SIL1: variants seen among roughly 807,000 people sequenced by gnomAD.
The protein encoded by SIL1 is nucleotide exchange factor SIL1.
SIL1 carries 40 observed loss-of-function variants against 49.1 expected under a neutral mutation model. That is an observed-to-expected ratio of 0.81 (90% CI 0.63 to 1.06). The LOEUF (loss-of-function observed/expected upper bound fraction) is 1.06, where lower values mean the gene tolerates loss of function less well. Among genes scored for constraint, SIL1 ranks in the 50% least tolerant of loss-of-function variants. SIL1 has a pLI of 0.00. For synonymous variants in SIL1, 253 were observed against 250.8 expected, an observed-to-expected ratio of 1.01 and a Z score of -0.08; for missense variants, 500 against 572.6, an observed-to-expected ratio of 0.87 and a Z score of 1.29.
chr5:138,952,767 A>G (rs1479565272), intron 7 of SIL1, among the ~76,000 whole-genome samples: 1 of 151,942 alleles, frequency 6.6e-6, no homozygotes, highest in Non-Finnish European at 1.5e-5. Flanking sequence ...TCAGGCCCAG[A>G]CCTCCCAGAT....
intron 7 of SIL1, among the ~76,000 whole-genome samples, chr5:138,979,522 G>A (rs1489552106): frequency 5.3e-5 from 8 of 151,220 alleles, no homozygotes; most frequent in African/African-American, 1.7e-4. Flanking sequence ...ATTTTTTTTC[G>A]AGACAGGGTC....
At chr5:139,068,811 AAAG>A (rs1360228645) in intron 3 of SIL1, among the ~76,000 whole-genome samples, 1 of 152,148 alleles carries the variant, frequency 6.6e-6, no homozygotes, top group Non-Finnish European at 1.5e-5. Flanking sequence ...ATTATAATAA[AAAG>A]AAGAAGAAAG....
chr5:138,984,362 T>A (rs1767604054), intron 7 of SIL1, among the ~76,000 whole-genome samples: 2 of 150,964 alleles, frequency 1.3e-5, no homozygotes, highest in South Asian at 4.3e-4. Flanking sequence ...TTGTTTTTTT[T>A]TTTTTGAGAC....
chr5:139,154,059 T>C (rs1581137647), intron 1 of SIL1, among the ~76,000 whole-genome samples: 1 of 152,184 alleles, frequency 6.6e-6, no homozygotes, highest in Non-Finnish European at 1.5e-5. Context: ...CTCACATACA[T>C]CCCTGCCTCT....
At chr5:138,999,370 T>C (rs1767939521) in intron 7 of SIL1, among the ~76,000 whole-genome samples, 1 of 152,190 alleles carries the variant, frequency 6.6e-6, no homozygotes, top group Non-Finnish European at 1.5e-5. Context: ...AGAAATGCTA[T>C]TGGCTGGAAA....
At chr5:139,190,980 C>T (rs1043621351) in intron 1 of SIL1, among the ~76,000 whole-genome samples, 1 of 152,014 alleles carries the variant, frequency 6.6e-6, no homozygotes, top group Non-Finnish European at 1.5e-5. Flanking sequence ...ACCTGTAATC[C>T]CAGCACTTTG....
At chr5:138,973,469 T>C (rs1308674966) in intron 7 of SIL1, among the ~76,000 whole-genome samples, 1 of 152,048 alleles carries the variant, frequency 6.6e-6, no homozygotes, top group Non-Finnish European at 1.5e-5. Flanking sequence ...GAGTTTTTTC[T>C]TTTTTCTTTT....
intron 3 of SIL1, among the ~76,000 whole-genome samples, chr5:139,099,603 A>T (rs1452006717): frequency 1.3e-5 from 2 of 152,242 alleles, no homozygotes; most frequent in Non-Finnish European, 2.9e-5. Flanking sequence ...TCATTAAAAA[A>T]AAAGAATGAG....
intron 1 of SIL1, among the ~76,000 whole-genome samples, chr5:139,156,332 G>GTACA (rs1477145953): frequency 6.6e-6 from 1 of 151,910 alleles, no homozygotes; most frequent in African/African-American, 2.4e-5. Context: ...ACCCAGTATG[G>GTACA]TAGGCAGAAA....
intron 1 of SIL1, among the ~76,000 whole-genome samples, chr5:139,164,155 C>T (rs1199194837): frequency 6.7e-6 from 1 of 150,076 alleles, no homozygotes; most frequent in Non-Finnish European, 1.5e-5. Context: ...CTCCATTTTA[C>T]AGATAAAGTA....
At position 139,137,567 on chromosome 5, in the gene SIL1, A is replaced by G. The variant is rs1326217668; in HGVS notation, c.-10-9714T>C. 3 of 426,456 alleles carry G rather than the reference A, an allele frequency of 7.0e-6. No homozygotes were observed. The South Asian group carries it at 1.0e-4, about 14-fold the overall frequency. The allele number at this position is 426,456 out of a possible 1,614,324, so 26.4% of individuals were successfully genotyped here. ...TATTATACTTTAAGTTTTAGGGTAC[A>G]TGTGCACAATGTGCAGGTTTGTTAC... On this transcript the variant is annotated intron_variant, in intron 1 of 9. Coordinates refer to ENST00000394817, the MANE Select transcript of SIL1 (RefSeq NM_022464.5).
chr5:139,040,492 TTTTTTC>T lies in SIL1; in HGVS notation c.453+2122_453+2127del, dbSNP rs1454406966. ...GGAGAGGAGTATTTTTTCTTTTTTC[TTTTTTC>T]TTTTTTTTTTTTTTTTTGAGACAGA... On this transcript the variant is annotated intron_variant, in intron 5 of 9. Coordinates refer to ENST00000394817, the MANE Select transcript of SIL1 (RefSeq NM_022464.5). Among the ~76,000 whole-genome samples the T allele has an allele frequency of 2.8e-4, 25 of 90,300 alleles. 2 individuals carry two copies. Among genetic ancestry groups the T allele is most frequent in the South Asian group, 3.8e-4 (1 of 2,622 alleles). The allele number at this position is 90,300 out of a possible 152,430, so 59.2% of individuals were successfully genotyped here. A position where few individuals can be genotyped will look rare whatever the true frequency, so the allele number is the denominator to read the frequency against.
intron 5 of SIL1, among the ~76,000 whole-genome samples, chr5:139,039,182 C>T (rs1232185086): frequency 6.6e-6 from 1 of 152,168 alleles, no homozygotes; most frequent in East Asian, 1.9e-4. Flanking sequence ...CAGAACACTG[C>T]CTTCTACCAC....
intron 1 of SIL1, among the ~76,000 whole-genome samples, chr5:139,152,914 GTTCAAGGGA>G (rs932111518): frequency 9.5e-4 from 145 of 152,282 alleles, no homozygotes; most frequent in African/African-American, 3.4e-3. Flanking sequence ...TGCATCCCAG[GTTCAAGGGA>G]TTCTCCTGCC....
intron 3 of SIL1, among the ~76,000 whole-genome samples, chr5:139,060,574 A>C (rs1040665977): frequency 6.6e-6 from 1 of 151,886 alleles, no homozygotes; most frequent in Non-Finnish European, 1.5e-5. Context: ...CATAGCCTAG[A>C]AACCACCTCT....
chr5:139,171,301 C>T (rs1252868211), intron 1 of SIL1, among the ~76,000 whole-genome samples: 1 of 152,068 alleles, frequency 6.6e-6, no homozygotes, highest in East Asian at 1.9e-4. Context: ...GGATGGTTGC[C>T]GTATCTGTGT....
chr5:139,172,604 G>A (rs1751794851), intron 1 of SIL1, among the ~76,000 whole-genome samples: 1 of 149,626 alleles, frequency 6.7e-6, no homozygotes, highest in Admixed American at 6.7e-5. Context: ...CTGCACTCCG[G>A]CCGGGGAATA....
At chr5:139,188,372 T>C (rs1244040734) in intron 1 of SIL1, among the ~76,000 whole-genome samples, 1 of 152,258 alleles carries the variant, frequency 6.6e-6, no homozygotes, top group African/African-American at 2.4e-5. Flanking sequence ...TTCTTGAATG[T>C]ACTAATTCCT....
intron 3 of SIL1, among the ~76,000 whole-genome samples, chr5:139,096,767 A>G (rs1410175959): frequency 6.6e-6 from 1 of 151,784 alleles, no homozygotes; most frequent in Non-Finnish European, 1.5e-5. Context: ...GTCATCTGCT[A>G]ACTGAAAAGC....
Sources: allele counts gnomAD v4.1 joint callset (sites outside exome capture counted in the v4.1 genomes callset), GRCh38; gene constraint gnomAD v4.1.1; transcripts MANE v1.5; gene names NCBI Gene and HGNC (gene_info 2026-07-23, HGNC 2026-07-21).